The following KMT2C variants were observed in gnomAD, a reference collection of about 807,000 sequenced individuals.
KMT2C encodes lysine methyltransferase 2C, also known as histone-lysine N-methyltransferase 2C.
KMT2C carries 88 observed loss-of-function variants against 507.9 expected under a neutral mutation model. That is an observed-to-expected ratio of 0.17 (90% CI 0.15 to 0.21). The LOEUF (loss-of-function observed/expected upper bound fraction) is 0.21. KMT2C is among the 10% of genes least tolerant of loss of function. KMT2C has a pLI of 1.00. For synonymous variants in KMT2C, 2,049 were observed against 2,080.8 expected (o/e 0.98, Z 0.42); for missense variants, 4,954 against 5,957.8 (o/e 0.83, Z 5.55).
chr7:152,165,841 A>AC (rs1211664586), intron 42 of KMT2C, among the ~76,000 whole-genome samples: 1 of 152,124 alleles, frequency 6.6e-6, no homozygotes, highest in Admixed American at 6.5e-5. Context: ...GGCACCTGCC[A>AC]CCATGCCTGG....
chr7:152,398,698 G>C (rs1420260193), intron 1 of KMT2C, among the ~76,000 whole-genome samples: 1 of 151,660 alleles, frequency 6.6e-6, no homozygotes, highest in Non-Finnish European at 1.5e-5. Context: ...CCTGCACCCA[G>C]CCCCTTTTAC....
intron 1 of KMT2C, among the ~76,000 whole-genome samples, chr7:152,390,119 T>C (rs185681435): frequency 6.6e-6 from 1 of 152,350 alleles, no homozygotes; most frequent in African/African-American, 2.4e-5. Flanking sequence ...CTAGGGTCAC[T>C]TTGGATGATG....
rs969772382 is a variant in KMT2C at position 152,293,432 on chromosome 7, G to T, written c.849+16534C>A. ...TTTTTGAAATAAAAACATTACCATG[G>T]TTCAAAAGTTCCTAAAGGGTATGCA... On this transcript the variant is annotated intron_variant, in intron 6 of 58. Coordinates refer to ENST00000262189, the MANE Select transcript of KMT2C (RefSeq NM_170606.3). Among the ~76,000 whole-genome samples, 4 of 152,094 alleles carry T rather than the reference G, an allele frequency of 2.6e-5. No individual in the cohort carries two copies. The South Asian group carries it at 8.3e-4, about 32-fold the overall frequency.
intron 27 of KMT2C, among the ~76,000 whole-genome samples, chr7:152,198,404 T>C (rs2094029018): frequency 6.6e-6 from 1 of 152,196 alleles, no homozygotes; most frequent in African/African-American, 2.4e-5. Flanking sequence ...CAGTGGAAGA[T>C]TGCTTTAAAA....
intron 6 of KMT2C, among the ~76,000 whole-genome samples, chr7:152,306,812 T>C (rs1234467848): frequency 1.3e-5 from 2 of 152,206 alleles, no homozygotes; most frequent in Non-Finnish European, 2.9e-5. Flanking sequence ...CTTCCTTTCT[T>C]GAGACAAAGT....
rs543395512 is a variant in KMT2C, at chr7:152,267,976, C to T, written c.1013-2767G>A. On this transcript the variant is annotated intron_variant, in intron 7 of 58. Coordinates refer to ENST00000262189, the MANE Select transcript of KMT2C (RefSeq NM_170606.3). ...AAATTTTGTTTTTCTGCTGTGCTCCCAGCCTTCAAAACTCTGCTCATGGCT... is the reference window on the plus strand; with the variant it reads ...AAATTTTGTTTTTCTGCTGTGCTCCTAGCCTTCAAAACTCTGCTCATGGCT... 2.1e-3 allele frequency among the ~76,000 whole-genome samples: 320 copies of T among 152,204 alleles called. 2 individuals carry two copies. The highest frequency in any genetic ancestry group is 0.01 in the Middle Eastern group (3 of 294).
intron 1 of KMT2C, among the ~76,000 whole-genome samples, chr7:152,384,642 A>C (rs2097407139): frequency 7.0e-6 from 1 of 143,828 alleles, no homozygotes; most frequent in African/African-American, 2.6e-5. Flanking sequence ...CTAGCCGATG[A>C]CTCCTTTAGA....
rs572941186 is a variant in KMT2C, at chr7:152,141,878, C to G, written c.14344-2087G>C. Among the ~76,000 whole-genome samples, 5 of 152,122 alleles carry G rather than the reference C, an allele frequency of 3.3e-5. No individual in the cohort carries two copies. In the South Asian group the frequency reaches 6.2e-4, roughly 19 times the overall value. On this transcript the variant is annotated intron_variant, in intron 55 of 58. Coordinates refer to ENST00000262189, the MANE Select transcript of KMT2C (RefSeq NM_170606.3). ...TAAATAAATATTTTTAAAAATTAGCCAAGTATTGTGGCATGCGCCTGTAGC... is the reference window on the plus strand; with the variant it reads ...TAAATAAATATTTTTAAAAATTAGCGAAGTATTGTGGCATGCGCCTGTAGC...
At position 152,181,250 on chromosome 7, in the gene KMT2C, C is replaced by G; in HGVS notation, c.6610G>C (p.Ala2204Pro). ...GGTCTTGGTGTTCCAGGAGGATGAGCATATGGATCAGAATGCCTCTGATTT... is the reference window on the plus strand; with the variant it reads ...GGTCTTGGTGTTCCAGGAGGATGAGGATATGGATCAGAATGCCTCTGATTT... ...VTNQRHSDPY[A>P]HPPGTPRPGI... is the part of the protein sequence containing the mutation. Residue 2204 changes from alanine (A) to proline (P), a missense_variant, in exon 36 of 59, where the codon GCT (alanine) becomes CCT (proline). Ala to Pro is a conservative substitution (Grantham distance 27). This residue lies in a region of KMT2C where 1,689 missense variants were observed against 1,654.3 expected (regional missense o/e 1.02). Coordinates refer to ENST00000262189, the MANE Select transcript of KMT2C (RefSeq NM_170606.3). 1 of 1,613,948 alleles carries G rather than the reference C, an allele frequency of 6.2e-7. No homozygotes were observed. The highest frequency in any genetic ancestry group is 8.5e-7 in the Non-Finnish European group (1 of 1,180,002).
intron 1 of KMT2C, among the ~76,000 whole-genome samples, chr7:152,397,480 G>C (rs575635258): frequency 6.6e-6 from 1 of 152,088 alleles, no homozygotes; most frequent in Non-Finnish European, 1.5e-5. Flanking sequence ...TTCTTACCAC[G>C]GTGTGAAGGG....
intron 6 of KMT2C, among the ~76,000 whole-genome samples, chr7:152,294,335 A>G (rs879218213): frequency 6.6e-6 from 1 of 152,230 alleles, no homozygotes; most frequent in Admixed American, 6.5e-5. Flanking sequence ...GTGAAAAGAT[A>G]AAACAATTTC....
At chr7:152,241,212 CTTTT>C (rs534825619) in intron 14 of KMT2C, among the ~76,000 whole-genome samples, 7 of 151,972 alleles carry the variant, frequency 4.6e-5, no homozygotes, top group African/African-American at 1.5e-4. Context: ...TTCTTTCTTT[CTTTT>C]TGAGATGGAG....
Position 152,135,510 on chromosome 7 carries a change from C to T in KMT2C, c.*1322G>A, listed in dbSNP as rs1023231574. ...TGCAGCTGTAAGCATAATCACATCT[C>T]CTTTTTTTTTTTAACTTTTTCAAAT... On this transcript the variant is annotated 3_prime_UTR_variant, in exon 59 of 59. Transcript: ENST00000262189. 4.5e-6 allele frequency: 1 copy of T among 224,140 alleles called. No individual in the cohort carries two copies. The highest frequency in any genetic ancestry group is 8.9e-6 in the Non-Finnish European group (1 of 112,438). The allele number at this position is 224,140 out of a possible 1,614,324, so 13.9% of individuals were successfully genotyped here.
At chr7:152,168,609 G>A (rs1485733735) in intron 41 of KMT2C, among the ~76,000 whole-genome samples, 1 of 152,122 alleles carries the variant, frequency 6.6e-6, no homozygotes, top group Non-Finnish European at 1.5e-5. Context: ...GGAGAGCAGA[G>A]GTGAGCAAAA....
intron 15 of KMT2C, among the ~76,000 whole-genome samples, chr7:152,237,269 AGT>A (rs1431608175): frequency 7.5e-4 from 115 of 152,392 alleles, no homozygotes; most frequent in African/African-American, 2.7e-3. Flanking sequence ...ATGGTTTCCA[AGT>A]CAAAAATTTA....
intron 1 of KMT2C, among the ~76,000 whole-genome samples, chr7:152,397,849 G>A (rs1344338729): frequency 6.6e-6 from 1 of 152,120 alleles, no homozygotes; most frequent in Non-Finnish European, 1.5e-5. Flanking sequence ...TGCTGTGAGT[G>A]TGAGGCCTCC....
intron 2 of KMT2C, among the ~76,000 whole-genome samples, chr7:152,356,891 C>T (rs2097155918): frequency 1.0e-5 from 1 of 97,230 alleles, no homozygotes; most frequent in African/African-American, 3.9e-5. Context: ...GACTCCAACT[C>T]AAAAAGAATA....
At position 152,148,868 on chromosome 7, in the gene KMT2C, T is replaced by C; in HGVS notation, c.13059A>G (p.Arg4353=). The change falls in exon 52 of 59, where the codon AGA becomes AGG. Residue 4353 remains arginine, a synonymous_variant. Transcript: ENST00000262189. This position sits in a 1 kb window ranked among gnomAD's most constrained non-coding sequence, Gnocchi z 7.1. ...TGCTCCACTTCTTCCATTTCATTCC[T>C]CTCCATTTTTTATTGAGCGGCCTGC... is the stretch of plus-strand genomic sequence containing the variant. ...EDCRPLNKKW[R]GMKWKKWSIH... The C allele has an allele frequency of 6.2e-7, 1 of 1,614,206 alleles. No individual in the cohort carries two copies.
At chr7:152,419,675 T>C (rs1247694455) in intron 1 of KMT2C, among the ~76,000 whole-genome samples, 1 of 152,188 alleles carries the variant, frequency 6.6e-6, no homozygotes, top group African/African-American at 2.4e-5. Context: ...CCCTTCCTCA[T>C]TTCCTCCCAT....
Sources: allele counts gnomAD v4.1 joint callset (sites outside exome capture counted in the v4.1 genomes callset), GRCh38; gene constraint gnomAD v4.1.1; regional missense constraint gnomAD v4.1.1; non-coding constraint Gnocchi (gnomAD v3.1); transcripts MANE v1.5; gene names NCBI Gene and HGNC (gene_info 2026-07-23, HGNC 2026-07-21).